PTPRD: variants seen among roughly 807,000 people sequenced by gnomAD.
PTPRD encodes protein tyrosine phosphatase receptor type D, also known as receptor-type tyrosine-protein phosphatase delta.
A neutral mutation model predicts 214.5 loss-of-function variants in PTPRD; 34 were observed. The observed-to-expected ratio is 0.16, with a 90% CI of 0.12 to 0.21. The LOEUF (loss-of-function observed/expected upper bound fraction) is 0.21, where lower values mean the gene tolerates loss of function less well. Among genes scored for constraint, PTPRD ranks in the 10% least tolerant of loss-of-function variants. The pLI, the probability that PTPRD is intolerant of heterozygous loss-of-function variation, is 1.00. For synonymous variants in PTPRD, 1,128 were observed against 845.7 expected (o/e 1.33, Z -5.79); for missense variants, 2,545 against 2,398.7 (o/e 1.06, Z -1.27).
At chr9:9,918,596 G>A (rs1330773076) in intron 5 of PTPRD, among the ~76,000 whole-genome samples, 2 of 151,944 alleles carry the variant, frequency 1.3e-5, no homozygotes, top group Non-Finnish European at 2.9e-5. Context: ...AGTAGCCAAA[G>A]CCATCCTGAG....
At chr9:8,741,739 C>A (rs1045482955) in intron 11 of PTPRD, among the ~76,000 whole-genome samples, 1 of 151,686 alleles carries the variant, frequency 6.6e-6, no homozygotes, top group Non-Finnish European at 1.5e-5. Context: ...TACAGGCACA[C>A]ATCACCATGC....
chr9:9,057,245 A>C lies in PTPRD; in HGVS notation c.-142-38510T>G, dbSNP rs191044649. Among the ~76,000 whole-genome samples, 3 of 152,308 alleles carry C rather than the reference A, an allele frequency of 2.0e-5. No homozygotes were observed. The East Asian group carries it at 5.8e-4, about 29-fold the overall frequency. On this transcript the variant is annotated intron_variant, in intron 10 of 45. Transcript: ENST00000381196. ...CATTCAAAAGATTACTCTGCCACAC[A>C]ATTAAAAGCAGTCTATTCTTTCTAG...
chr9:9,454,921 T>A (rs1435773711), intron 8 of PTPRD, among the ~76,000 whole-genome samples: 2 of 151,526 alleles, frequency 1.3e-5, no homozygotes, highest in Non-Finnish European at 3.0e-5. Context: ...ATTTCATTGT[T>A]TAAATAGAAT....
At chr9:9,808,944 T>C (rs2153534247) in intron 5 of PTPRD, among the ~76,000 whole-genome samples, 1 of 102,018 alleles carries the variant, frequency 9.8e-6, no homozygotes, top group African/African-American at 6.8e-5. Flanking sequence ...CTAATTTTTA[T>C]TTTGTATTTT....
intron 3 of PTPRD, among the ~76,000 whole-genome samples, chr9:10,202,413 G>T (rs1189706562): frequency 1.3e-5 from 2 of 151,188 alleles, no homozygotes. Context: ...TTAGTCTAAG[G>T]TGCTTTTCCC....
chr9:8,929,891 A>ATATATGTATATATGTG lies in PTPRD; in HGVS notation c.-104+88805_-104+88806insCACATATATACATATA, dbSNP rs1188221114. Among the ~76,000 whole-genome samples the ATATATGTATATATGTG allele has an allele frequency of 1.6e-4, 13 of 79,358 alleles. 1 individual carries two copies. The East Asian group carries it at 5.2e-3, about 32-fold the overall frequency. 52.1% of individuals were successfully genotyped at this position (79,358 alleles called of 152,430 possible). A position where few individuals can be genotyped will look rare whatever the true frequency, so the allele number is the denominator to read the frequency against. ...CATGTGTGTGTATATATGTGTGTGT[A>ATATATGTATATATGTG]TATATATGTGTATATATATGTGTGT... On this transcript the variant is annotated intron_variant, in intron 11 of 45. Coordinates refer to ENST00000381196, the MANE Select transcript of PTPRD (RefSeq NM_002839.4).
chr9:8,510,825 G>A (rs2097663156), intron 21 of PTPRD, among the ~76,000 whole-genome samples: 1 of 152,030 alleles, frequency 6.6e-6, no homozygotes, highest in Non-Finnish European at 1.5e-5. Context: ...GGTATAAAAT[G>A]AATGTATTTT....
At chr9:10,392,647 G>C (rs893507219) in intron 2 of PTPRD, among the ~76,000 whole-genome samples, 1 of 151,832 alleles carries the variant, frequency 6.6e-6, no homozygotes, top group Non-Finnish European at 1.5e-5. Context: ...TATAGAGTTA[G>C]AGCATGCATT....
chr9:8,743,455 T>C (rs942092180), intron 11 of PTPRD, among the ~76,000 whole-genome samples: 1 of 152,130 alleles, frequency 6.6e-6, no homozygotes, highest in Middle Eastern at 3.2e-3. Flanking sequence ...AGGAAAGAAA[T>C]ACTCAGTTTC....
rs369378593 is a variant in PTPRD, at chr9:9,550,961, A to T, written c.-237+23771T>A. Among the ~76,000 whole-genome samples, 29 of 152,080 alleles carry T rather than the reference A, an allele frequency of 1.9e-4. No homozygotes were observed. In the South Asian group the frequency reaches 6.0e-3, roughly 31 times the overall value. On this transcript the variant is annotated intron_variant, in intron 8 of 45. Coordinates refer to ENST00000381196, the MANE Select transcript of PTPRD (RefSeq NM_002839.4). ...GATATCACCAAATGTTGGCAAGTAG[A>T]GAAACTGTATCACTCATGAATTGCT...
chr9:9,631,672 C>A (rs1045830804), intron 7 of PTPRD, among the ~76,000 whole-genome samples: 2 of 152,032 alleles, frequency 1.3e-5, no homozygotes, highest in East Asian at 1.9e-4. Flanking sequence ...AGCAAGTTGC[C>A]CTCTCTATAT....
intron 3 of PTPRD, among the ~76,000 whole-genome samples, chr9:10,158,863 G>A (rs938391504): frequency 6.6e-6 from 1 of 152,124 alleles, no homozygotes; most frequent in Non-Finnish European, 1.5e-5. Flanking sequence ...AGTGCCTAAA[G>A]GGCAAAATAT....
At chr9:10,229,873 A>G (rs1483917302) in intron 3 of PTPRD, among the ~76,000 whole-genome samples, 2 of 152,008 alleles carry the variant, frequency 1.3e-5, no homozygotes, top group African/African-American at 4.8e-5. Flanking sequence ...GATAAAAACA[A>G]AACAAGAAAA....
At chr9:9,218,609 T>A (rs1447940043) in intron 9 of PTPRD, among the ~76,000 whole-genome samples, 1 of 152,104 alleles carries the variant, frequency 6.6e-6, no homozygotes, top group African/African-American at 2.4e-5. Context: ...GTAACATATA[T>A]AATAGGACAG....
intron 3 of PTPRD, among the ~76,000 whole-genome samples, chr9:10,116,859 G>A (rs1000906979): frequency 6.6e-6 from 1 of 151,966 alleles, no homozygotes; most frequent in African/African-American, 2.4e-5. Context: ...CTTTGCACTT[G>A]CTCTTCCTTC....
intron 3 of PTPRD, among the ~76,000 whole-genome samples, chr9:10,259,272 C>T (rs144868396): frequency 2.0e-3 from 307 of 152,320 alleles, no homozygotes; most frequent in Non-Finnish European, 3.2e-3. Flanking sequence ...GATCAGCCCG[C>T]CTCGGCCTCC....
intron 8 of PTPRD, among the ~76,000 whole-genome samples, chr9:9,527,077 T>A (rs1348842591): frequency 6.6e-6 from 1 of 152,226 alleles, no homozygotes; most frequent in Non-Finnish European, 1.5e-5. Context: ...GAGAGCTGAT[T>A]TAATTTGTAT....
intron 10 of PTPRD, among the ~76,000 whole-genome samples, chr9:9,141,311 G>A (rs1234827427): frequency 2.0e-5 from 3 of 150,608 alleles, no homozygotes; most frequent in Non-Finnish European, 4.4e-5. Flanking sequence ...TCATTTCATG[G>A]AACACGGCAC....
intron 8 of PTPRD, among the ~76,000 whole-genome samples, chr9:9,467,282 A>G (rs909954439): frequency 1.1e-4 from 15 of 139,912 alleles, no homozygotes; most frequent in Non-Finnish European, 2.1e-4. Context: ...CTCTTTGGCC[A>G]AAATCTATCC....
Sources: gnomAD v4.1 joint callset for allele counts (sites outside exome capture counted in the v4.1 genomes callset) on GRCh38, gnomAD v4.1.1 for gene constraint, MANE v1.5 for transcripts, NCBI Gene and HGNC (gene_info 2026-07-23, HGNC 2026-07-21) for gene names.